Variants in NAALADL2 observed in about 807,000 individuals in gnomAD.
NAALADL2 encodes inactive N-acetylated-alpha-linked acidic dipeptidase-like protein 2.
NAALADL2 carries 76 observed loss-of-function variants against 87.2 expected under a neutral mutation model. The ratio of observed to expected loss-of-function variants is 0.87; its 90% CI spans 0.72 to 1.05. The LOEUF (loss-of-function observed/expected upper bound fraction) is 1.05. Among genes scored for constraint, NAALADL2 ranks in the 50% least tolerant of loss-of-function variants. The pLI is 0.00. For missense variants in NAALADL2, 1,089 were observed against 945.8 expected (o/e 1.15, Z -1.99); for synonymous variants, 354 against 331.0 (o/e 1.07, Z -0.75).
At chr3:175,617,455 C>T (rs942560587) in intron 10 of NAALADL2, among the ~76,000 whole-genome samples, 11 of 152,286 alleles carry the variant, frequency 7.2e-5, no homozygotes, top group South Asian at 6.2e-4. Flanking sequence ...AGGGTGGAGG[C>T]GGCTTCCTCA....
At chr3:175,703,824 CTTTTTCA>C (rs146887753) in intron 11 of NAALADL2, among the ~76,000 whole-genome samples, 7,725 of 152,156 alleles carry the variant, frequency 0.051, 240 homozygotes, top group African/African-American at 0.085. Context: ...ATTCATTTTC[CTTTTTCA>C]TCTCTTTGAC....
chr3:175,220,081 C>T (rs1157540044), intron 2 of NAALADL2, among the ~76,000 whole-genome samples: 1 of 151,344 alleles, frequency 6.6e-6, no homozygotes, highest in Non-Finnish European at 1.5e-5. Flanking sequence ...AAAACAAATG[C>T]TACCAGGTCA....
At chr3:175,314,483 A>G (rs948992817) in intron 4 of NAALADL2, among the ~76,000 whole-genome samples, 4 of 148,492 alleles carry the variant, frequency 2.7e-5, no homozygotes, top group African/African-American at 9.9e-5. Flanking sequence ...GGATAAAGAG[A>G]GAACATAACA....
chr3:175,013,278 C>CATATATTTTT (rs1750348182), intron 1 of NAALADL2, among the ~76,000 whole-genome samples: 2 of 73,738 alleles, frequency 2.7e-5, no homozygotes, highest in African/African-American at 1.5e-4. Flanking sequence ...TATATATATA[C>CATATATTTTT]ATATATATAT....
At chr3:175,517,933 C>T (rs1244512438) in intron 9 of NAALADL2, among the ~76,000 whole-genome samples, 1 of 152,114 alleles carries the variant, frequency 6.6e-6, no homozygotes, top group Non-Finnish European at 1.5e-5. Flanking sequence ...GAAGGCTGGC[C>T]ACCCCACCCT....
At chr3:175,699,430 T>G (rs1738669081) in intron 11 of NAALADL2, among the ~76,000 whole-genome samples, 1 of 152,014 alleles carries the variant, frequency 6.6e-6, no homozygotes, top group Non-Finnish European at 1.5e-5. Flanking sequence ...AAACATGCAC[T>G]AGATCTTAAC....
intron 3 of NAALADL2, among the ~76,000 whole-genome samples, chr3:174,768,200 T>A (rs1226733528): frequency 1.3e-5 from 2 of 152,152 alleles, no homozygotes; most frequent in Non-Finnish European, 2.9e-5. Context: ...GGATGATAAA[T>A]TGTTTTGGAG....
At position 175,181,767 on chromosome 3, in the gene NAALADL2, G is replaced by GTGTATATATGTGTGTATTTA. The variant is rs1430499104; in HGVS notation, c.546-52161_546-52160insATATATGTGTGTATTTATGT. Among the ~76,000 whole-genome samples, 4 of 121,042 alleles carry GTGTATATATGTGTGTATTTA rather than the reference G, an allele frequency of 3.3e-5. No homozygotes were observed. In the East Asian group the frequency reaches 9.5e-4, roughly 29 times the overall value. The allele number at this position is 121,042 out of a possible 152,430, so 79.4% of individuals were successfully genotyped here. ...TATGTATATATATGTGTGTATATAT[G>GTGTATATATGTGTGTATTTA]TGTGTATATATGTATATATATGTGT... On this transcript the variant is annotated intron_variant, in intron 2 of 13. Coordinates refer to ENST00000454872, the MANE Select transcript of NAALADL2 (RefSeq NM_207015.3).
At chr3:175,453,588 G>A (rs912817464) in intron 6 of NAALADL2, among the ~76,000 whole-genome samples, 1 of 152,082 alleles carries the variant, frequency 6.6e-6, no homozygotes, top group Non-Finnish European at 1.5e-5. Context: ...ATTATGATAT[G>A]ATATTCTTCC....
chr3:174,748,625 C>G (rs1578773908), intron 3 of NAALADL2, among the ~76,000 whole-genome samples: 2 of 152,110 alleles, frequency 1.3e-5, no homozygotes, highest in Non-Finnish European at 2.9e-5. Context: ...GGAAAAGATG[C>G]CAGCATTGTT....
At chr3:174,946,684 AAGG>A (rs1410732915) in intron 1 of NAALADL2, among the ~76,000 whole-genome samples, 1 of 152,150 alleles carries the variant, frequency 6.6e-6, no homozygotes, top group African/African-American at 2.4e-5. Flanking sequence ...ATTATGAAGA[AAGG>A]AGGGAGGAAA....
chr3:175,308,461 G>C (rs1757971163), intron 4 of NAALADL2, among the ~76,000 whole-genome samples: 1 of 152,148 alleles, frequency 6.6e-6, no homozygotes, highest in Non-Finnish European at 1.5e-5. Flanking sequence ...GGCGGTAGAT[G>C]CCTAAGTCAC....
chr3:175,765,014 T>C (rs1464062030), intron 13 of NAALADL2, among the ~76,000 whole-genome samples: 3 of 152,130 alleles, frequency 2.0e-5, no homozygotes, highest in East Asian at 1.9e-4. Context: ...AATCCCACCA[T>C]TGTTTTTCTT....
intron 2 of NAALADL2, among the ~76,000 whole-genome samples, chr3:174,688,017 G>A (rs557073782): frequency 5.9e-5 from 9 of 152,068 alleles, no homozygotes; most frequent in Non-Finnish European, 8.8e-5. Flanking sequence ...CCAGTCTTAG[G>A]TATGTCTTTA....
chr3:175,746,190 A>G (rs1745900940), intron 12 of NAALADL2, among the ~76,000 whole-genome samples: 1 of 151,914 alleles, frequency 6.6e-6, no homozygotes, highest in Non-Finnish European at 1.5e-5. Flanking sequence ...AGCTCTGATA[A>G]TTCATTAGCG....
chr3:175,755,555 C>A (rs566314243), intron 13 of NAALADL2, 137 bp downstream of exon 13: 305 of 535,478 alleles, frequency 5.7e-4, no homozygotes, highest in Non-Finnish European at 7.8e-4. Context: ...TGAGGAACTT[C>A]CCCCTCCCCC....
At chr3:175,765,583 G>A (rs1050359694) in intron 13 of NAALADL2, among the ~76,000 whole-genome samples, 16 of 152,074 alleles carry the variant, frequency 1.1e-4, no homozygotes, top group African/African-American at 3.4e-4. Flanking sequence ...AAATACTTGT[G>A]TGTATAACTG....
intron 13 of NAALADL2, among the ~76,000 whole-genome samples, chr3:175,787,685 G>A (rs965843416): frequency 6.6e-6 from 1 of 152,114 alleles, no homozygotes. Flanking sequence ...CGTCGCTCAC[G>A]CTGGGAGCTG....
chr3:174,936,837 G>A (rs1390373610), intron 1 of NAALADL2, among the ~76,000 whole-genome samples: 2 of 152,082 alleles, frequency 1.3e-5, no homozygotes, highest in Non-Finnish European at 2.9e-5. Context: ...CTTTGGTGCT[G>A]GAGAGAAAGA....
Sources: allele counts gnomAD v4.1 joint callset (sites outside exome capture counted in the v4.1 genomes callset), GRCh38; gene constraint gnomAD v4.1.1; transcripts MANE v1.5; gene names NCBI Gene and HGNC (gene_info 2026-07-23, HGNC 2026-07-21).